KLHL2: variants seen among roughly 807,000 people sequenced by gnomAD.
The protein encoded by KLHL2 is kelch-like protein 2.
A neutral mutation model predicts 75.8 loss-of-function variants in KLHL2; 15 were observed. The observed-to-expected ratio is 0.20, with a 90% confidence interval of 0.13 to 0.30. KLHL2 has a LOEUF of 0.30. Among genes scored for constraint, KLHL2 ranks in the 10% least tolerant of loss-of-function variants. KLHL2 has a pLI of 1.00. For synonymous variants in KLHL2, 214 were observed against 251.9 expected (o/e 0.85, Z 1.42); for missense variants, 381 against 741.0 (o/e 0.51, Z 5.64).
rs1231235360 is a variant in KLHL2, at chr4:165,236,913, AACT to A, written c.260-1864_260-1862del. On this transcript the variant is annotated intron_variant, in intron 3 of 14. Coordinates refer to ENST00000226725, the MANE Select transcript of KLHL2 (RefSeq NM_007246.4). ...ATACCTTAAAAACTATAATATTAAAAACTGTTTGGCAGAGAACTAATTATTTTT... is the reference window on the plus strand; with the variant it reads ...ATACCTTAAAAACTATAATATTAAAAGTTTGGCAGAGAACTAATTATTTTT... Among the ~76,000 whole-genome samples the A allele has an allele frequency of 2.0e-5, 3 of 151,554 alleles. No homozygotes were observed. In the East Asian group the frequency reaches 5.8e-4, roughly 29 times the overall value.
intron 1 of KLHL2, among the ~76,000 whole-genome samples, chr4:165,218,467 G>A (rs60905916): frequency 0.075 from 11,460 of 152,066 alleles, 917 homozygotes; most frequent in African/African-American, 0.2. Context: ...TTCTCAACTA[G>A]GCCTTCCCTG....
chr4:165,230,947 A>G (rs1738836262), intron 3 of KLHL2, among the ~76,000 whole-genome samples: 2 of 152,232 alleles, frequency 1.3e-5, no homozygotes, highest in South Asian at 4.1e-4. Flanking sequence ...ATAGTGTATT[A>G]CAACTAACTA....
At chr4:165,282,860 A>G (rs1388400738) in intron 5 of KLHL2, among the ~76,000 whole-genome samples, 1 of 151,818 alleles carries the variant, frequency 6.6e-6, no homozygotes, top group Non-Finnish European at 1.5e-5. Flanking sequence ...ATAAAGACAT[A>G]TCCGAGACTG....
intron 8 of KLHL2, among the ~76,000 whole-genome samples, chr4:165,304,030 C>T (rs1745546716): frequency 6.6e-6 from 1 of 152,126 alleles, no homozygotes; most frequent in African/African-American, 2.4e-5. Flanking sequence ...TGTGCACCAC[C>T]ATGCCTGGCC....
chr4:165,251,468 A>T (rs1055771532), intron 4 of KLHL2, among the ~76,000 whole-genome samples: 1 of 152,166 alleles, frequency 6.6e-6, no homozygotes, highest in African/African-American at 2.4e-5. Flanking sequence ...TATTCAATAT[A>T]AGAATATAGA....
At position 165,294,154 on chromosome 4, in the gene KLHL2, T is replaced by C. The variant is rs535777921; in HGVS notation, c.545-205T>C. Among the ~76,000 whole-genome samples the C allele has an allele frequency of 2.6e-5, 4 of 152,340 alleles. No homozygotes were observed. In the East Asian group the frequency reaches 7.7e-4, roughly 29 times the overall value. On this transcript the variant is annotated intron_variant, in intron 5 of 14. Transcript: ENST00000226725. ...TTCCCTCCTTGCACTGCTACTGTGCTGTTGTATAAACAAATCACTGAAGGT... is the reference window on the plus strand; with the variant it reads ...TTCCCTCCTTGCACTGCTACTGTGCCGTTGTATAAACAAATCACTGAAGGT...
chr4:165,288,792 A>C (rs1366991428), intron 5 of KLHL2, among the ~76,000 whole-genome samples: 1 of 150,840 alleles, frequency 6.6e-6, no homozygotes, highest in Non-Finnish European at 1.5e-5. Context: ...TCCCACCAGC[A>C]GTATGAAATA....
chr4:165,289,723 T>C (rs1330353467), intron 5 of KLHL2, among the ~76,000 whole-genome samples: 1 of 152,210 alleles, frequency 6.6e-6, no homozygotes, highest in Non-Finnish European at 1.5e-5. Flanking sequence ...ATGTAATTGC[T>C]GACTTTTAAA....
chr4:165,278,261 G>T (rs530048981), intron 5 of KLHL2: 2 of 1,082,338 alleles, frequency 1.8e-6, no homozygotes, highest in Non-Finnish European at 2.9e-6. Flanking sequence ...AGCCCCTGCC[G>T]CCATGGCAGC....
At position 165,311,104 on chromosome 4, in the gene KLHL2, A is replaced by G. The variant is rs531731765; in HGVS notation, c.1237+354A>G. 2.7e-3 allele frequency among the ~76,000 whole-genome samples: 417 copies of G among 152,030 alleles called. 3 individuals carry two copies. Among genetic ancestry groups the G allele is most frequent in the African/African-American group, 7.9e-3 (329 of 41,488 alleles). On this transcript the variant is annotated intron_variant, in intron 10 of 14. Coordinates refer to ENST00000226725, the MANE Select transcript of KLHL2 (RefSeq NM_007246.4). ...AATCTCCTGACTTTGTGATCCGCCC[A>G]CCTCGGCCTCCCAAAGTGCTGGGAT...
intron 4 of KLHL2, among the ~76,000 whole-genome samples, chr4:165,259,524 G>T (rs1403533695): frequency 6.6e-6 from 1 of 152,228 alleles, no homozygotes; most frequent in Non-Finnish European, 1.5e-5. Context: ...CCCATACCAG[G>T]TGTGTGACCT....
intron 8 of KLHL2, among the ~76,000 whole-genome samples, chr4:165,301,134 A>G (rs1359028376): frequency 6.6e-6 from 1 of 152,202 alleles, no homozygotes; most frequent in Admixed American, 6.5e-5. Flanking sequence ...CTATTTGTGG[A>G]AAGTTTCATT....
At chr4:165,259,475 A>G (rs1490843592) in intron 4 of KLHL2, among the ~76,000 whole-genome samples, 2 of 152,198 alleles carry the variant, frequency 1.3e-5, no homozygotes, top group African/African-American at 2.4e-5. Context: ...CATTATGCAC[A>G]TTTTGGTTAG....
chr4:165,218,004 G>T (rs1737670048), intron 1 of KLHL2, among the ~76,000 whole-genome samples: 1 of 152,076 alleles, frequency 6.6e-6, no homozygotes. Flanking sequence ...TCTTTGACAT[G>T]TCATATGGTT....
At chr4:165,222,638 G>A (rs1367339186) in intron 2 of KLHL2, among the ~76,000 whole-genome samples, 1 of 152,152 alleles carries the variant, frequency 6.6e-6, no homozygotes, top group African/African-American at 2.4e-5. Context: ...TTTTAAAAAT[G>A]TCATTCCCTT....
At position 165,305,706 on chromosome 4, in the gene KLHL2, T is replaced by C. The variant is rs1326859937; in HGVS notation, c.1020T>C (p.Pro340=). Residue 340 remains proline (P), a synonymous_variant, in exon 9 of 15, where the codon CCT becomes CCC. Transcript: ENST00000226725. ...EERWHQVAEL[P]SRRCRAGMVY... ...GGTGGCACCAAGTAGCAGAGTTGCC[T>C]TCCAGGAGGTGCAGGGCAGGTAAGC... 1 of 1,613,234 alleles carries C rather than the reference T, an allele frequency of 6.2e-7. No homozygotes were observed.
At chr4:165,217,585 T>A (rs1053219487) in intron 1 of KLHL2, among the ~76,000 whole-genome samples, 4 of 152,130 alleles carry the variant, frequency 2.6e-5, no homozygotes, top group Non-Finnish European at 4.4e-5. Context: ...CCTTAAAAAC[T>A]CTCAAGCGGT....
At chr4:165,228,950 G>A (rs746894800) in intron 3 of KLHL2, 37 bp downstream of exon 3, 2 of 1,301,124 alleles carry the variant, frequency 1.5e-6, no homozygotes, top group African/African-American at 1.5e-5. Context: ...TTTAAAAAAT[G>A]TATTCAGATC....
intron 4 of KLHL2, chr4:165,240,257 A>G (rs574100127): frequency 1.4e-4 from 21 of 152,370 alleles, no homozygotes; most frequent in African/African-American, 5.0e-4. Context: ...TTTAAATTCT[A>G]CTTGCACAAA....
Sources: gnomAD v4.1 joint callset for allele counts (sites outside exome capture counted in the v4.1 genomes callset) on GRCh38, gnomAD v4.1.1 for gene constraint, MANE v1.5 for transcripts, NCBI Gene and HGNC (gene_info 2026-07-23, HGNC 2026-07-21) for gene names.